The following RASAL1 variants were observed in gnomAD, a reference collection of about 807,000 sequenced individuals.
RASAL1 encodes the protein rasGAP-activating-like protein 1.
Under a neutral mutation model 96.6 loss-of-function variants are expected in RASAL1, and 72 were observed. That is an observed-to-expected ratio of 0.75 (90% CI 0.62 to 0.91). The LOEUF (loss-of-function observed/expected upper bound fraction) is 0.91, where lower values mean the gene tolerates loss of function less well. Among genes scored for constraint, RASAL1 ranks in the 40% least tolerant of loss-of-function variants. The probability of loss-of-function intolerance (pLI) is 0.00; values close to 1 mark genes in which losing one functional copy is unlikely to be tolerated. For synonymous variants in RASAL1, 405 were observed against 430.4 expected (o/e 0.94, Z 0.73); for missense variants, 1,016 against 1,072.5 (o/e 0.95, Z 0.74).
rs200287877 is a variant in RASAL1, at chr12:113,109,029, G to GTT, written c.1375-809_1375-808dup. On this transcript the variant is annotated intron_variant, in intron 13 of 20. Coordinates refer to ENST00000548055, the MANE Select transcript of RASAL1 (RefSeq NM_001301202.2). ...TTTGTTTTGCTTTTTTTGTTTTTAG[G>GTT]TTTTTTTGTGTGTGTTTTTTTTTTT... Among the ~76,000 whole-genome samples, 567 of 72,472 alleles carry GTT rather than the reference G, an allele frequency of 7.8e-3. 6 individuals carry two copies. Among genetic ancestry groups the GTT allele is most frequent in the East Asian group, 0.035 (124 of 3,558 alleles). The allele number at this position is 72,472 out of a possible 152,430, so 47.5% of individuals were successfully genotyped here. A position where few individuals can be genotyped will look rare whatever the true frequency, so the allele number is the denominator to read the frequency against.
At chr12:113,113,764 G>C (rs1950958968) in intron 12 of RASAL1, among the ~76,000 whole-genome samples, 1 of 152,182 alleles carries the variant, frequency 6.6e-6, no homozygotes, top group Non-Finnish European at 1.5e-5. Context: ...ACAGCTCCAG[G>C]CTTGTGGGTT....
chr12:113,128,280 ACG>A (rs1491547342), intron 2 of RASAL1, 102 bp from the exon 3 acceptor site: 18 of 624,864 alleles, frequency 2.9e-5, no homozygotes, highest in East Asian at 5.6e-5. Flanking sequence ...ACACACACAC[ACG>A]GGAATCCAGA....
Position 113,115,916 on chromosome 12 carries a change from C to T in RASAL1, c.849+18G>A, listed in dbSNP as rs959131417. 22 of 1,583,508 alleles carry T rather than the reference C, an allele frequency of 1.4e-5. No homozygotes were observed. The highest frequency in any genetic ancestry group is 1.7e-5 in the Non-Finnish European group (20 of 1,162,982). ...CCCCGGCACCCGCCTGATAGCATTG[C>T]TTGCCTGACGCACCCACCTCTGCTG... is the stretch of plus-strand genomic sequence containing the variant. On this transcript the variant is annotated intron_variant, in intron 9 of 20. Transcript: ENST00000548055. The surrounding 1 kb of genome is among the most constrained non-coding windows in gnomAD (Gnocchi z 4.1).
rs547269040 is a variant in RASAL1 at position 113,104,065 on chromosome 12, T to C, written c.1985A>G (p.Asn662Ser). Residue 662 changes from asparagine (N) to serine (S), a missense_variant, in exon 18 of 21, where the codon AAC becomes AGC. Physicochemically the swap from Asn to Ser is conservative, Grantham distance 46. Transcript: ENST00000548055. The stretch of plus-strand genomic sequence containing the variant: ...CTTGCGCAAGGCCGAGAGCCACTGG[T>C]TGAGCTCATTCACATTCTGCAGCGG... ...YLQCKNVNEL[N>S]QWLSALRKAS... 1 of 1,564,812 alleles carries C rather than the reference T, an allele frequency of 6.4e-7. No individual in the cohort carries two copies. Among genetic ancestry groups the C allele is most frequent in the Admixed American group, 1.8e-5 (1 of 56,964 alleles).
intron 5 of RASAL1, among the ~76,000 whole-genome samples, 165 bp from the exon 6 acceptor site, chr12:113,119,608 G>C (rs1016811173): frequency 1.4e-4 from 22 of 152,146 alleles, no homozygotes; most frequent in African/African-American, 5.1e-4. Context: ...TCCAAACCCA[G>C]TATCTTCCTG....
Position 113,105,885 on chromosome 12 carries a change from T to C in RASAL1, c.1659A>G (p.Glu553=). Residue 553 remains glutamate, a splice_region_variant and synonymous_variant, in exon 16 of 21, where the codon GAA becomes GAG. Transcript: ENST00000548055. ...DRLVDVDGDE[E]AGVPARALFP... ...ACAGGGCCCTGGCTGGGACACCAGC[T>C]TCTAGGAGATGGGAGAAGAGAGCGG... 1 of 1,612,092 alleles carries C rather than the reference T, an allele frequency of 6.2e-7. No individual in the cohort carries two copies. The highest frequency in any genetic ancestry group is 8.5e-7 in the Non-Finnish European group (1 of 1,178,972).
At chr12:113,131,245 T>TG (rs1301035359) in intron 1 of RASAL1, among the ~76,000 whole-genome samples, 66 of 14,526 alleles carry the variant, frequency 4.5e-3, no homozygotes, top group Non-Finnish European at 2.1e-3. Flanking sequence ...CCAGAGCGTG[T>TG]GTGGGGGGGG....
upstream of RASAL1, chr12:113,136,011 C>G (rs535209074): frequency 6.5e-6 from 1 of 153,918 alleles, no homozygotes; most frequent in East Asian, 1.9e-4. Flanking sequence ...CCCCGCCTGT[C>G]CCTCATCCAA....
At chr12:113,112,711 G>C (rs1165971820) in intron 12 of RASAL1, among the ~76,000 whole-genome samples, 1 of 152,140 alleles carries the variant, frequency 6.6e-6, no homozygotes, top group Non-Finnish European at 1.5e-5. Flanking sequence ...CAGCACTCTG[G>C]GAGGCCGAGG....
chr12:113,128,972 GAC>G (rs35122341), intron 2 of RASAL1, among the ~76,000 whole-genome samples: 1,480 of 141,884 alleles, frequency 0.01, 9 homozygotes, highest in South Asian at 0.024. Flanking sequence ...CACAGTCACT[GAC>G]ACACACACAC....
At chr12:113,113,126 C>T (rs1418197148) in intron 12 of RASAL1, among the ~76,000 whole-genome samples, 1 of 152,132 alleles carries the variant, frequency 6.6e-6, no homozygotes, top group African/African-American at 2.4e-5. Context: ...ACTTTTCCAT[C>T]TGCAATTATT....
Position 113,103,960 on chromosome 12 carries a change from T to C in RASAL1, c.2090A>G (p.Gln697Arg), listed in dbSNP as rs753745123. The C allele has an allele frequency of 1.0e-4, 162 of 1,559,634 alleles. No individual in the cohort carries two copies. The highest frequency in any genetic ancestry group is 1.4e-4 in the Non-Finnish European group (157 of 1,153,574). ...TGCCCCCTCACCTGAGCGCTCAGCC[T>C]GGAGGCAGCAGGTCCAGCGCGCGCT... ...FRSARWTCCLQAERSAAGCSR... is the reference protein window; with the variant it reads ...FRSARWTCCLRAERSAAGCSR... Residue 697 changes from glutamine to arginine, a missense_variant, in exon 18 of 21, where the codon CAG becomes CGG. Coordinates refer to ENST00000548055, the MANE Select transcript of RASAL1 (RefSeq NM_001301202.2).
chr12:113,104,045 G>A lies in RASAL1; in HGVS notation c.2005C>T (p.Arg669Cys). 6.6e-7 allele frequency: 1 copy of A among 1,512,738 alleles called. No individual in the cohort carries two copies. Among genetic ancestry groups the A allele is most frequent in the Non-Finnish European group, 8.9e-7 (1 of 1,121,412 alleles). 93.7% of individuals were successfully genotyped at this position (1,512,738 alleles called of 1,614,324 possible). The stretch of plus-strand genomic sequence containing the variant: ...TTCGGGTTGGGGGCGCTGGCCTTGC[G>A]CAAGGCCGAGAGCCACTGGTTGAGC... ...NELNQWLSAL[R>C]KASAPNPNKL... Residue 669 changes from arginine (R) to cysteine (C), a missense_variant, in exon 18 of 21, where the codon CGC (arginine) becomes TGC (cysteine). Transcript: ENST00000548055.
rs745591829 is a variant in RASAL1 at position 113,115,678 on chromosome 12, C to T, written c.960G>A (p.Gly320=). Residue 320 remains glycine, a synonymous_variant, in exon 10 of 21, where the codon GGG becomes GGA. Coordinates refer to ENST00000548055, the MANE Select transcript of RASAL1 (RefSeq NM_001301202.2). This position sits in a 1 kb window ranked among gnomAD's most constrained non-coding sequence, Gnocchi z 4.1. The part of the protein sequence containing the change: ...VKLFLGRGLA[G]RFLDYLTRRE... ...GCCGGGTGAGATAGTCCAGAAAGCG[C>T]CCAGCCAGTCCCCGGCCAAGAAAGA... 23 of 1,613,822 alleles carry T rather than the reference C, an allele frequency of 1.4e-5. No homozygotes were observed. The East Asian group carries it at 5.1e-4, about 36-fold the overall frequency.
rs542061916 is a variant in RASAL1 at position 113,114,617 on chromosome 12, C to A, written c.1181+183G>T. Among the ~76,000 whole-genome samples, 3 of 152,334 alleles carry A rather than the reference C, an allele frequency of 2.0e-5. No individual in the cohort carries two copies. The South Asian group carries it at 6.2e-4, about 32-fold the overall frequency. On this transcript the variant is annotated intron_variant, in intron 12 of 20. Transcript: ENST00000548055. ...CTTAGCATCAGAGTCCTGACCATAACCCCTATACTACACAGCCTGATGGTT... is the reference window on the plus strand; with the variant it reads ...CTTAGCATCAGAGTCCTGACCATAAACCCTATACTACACAGCCTGATGGTT...
In RASAL1 at chr12:113,104,004, G is replaced by T; in HGVS notation, c.2046C>A (p.Cys682Ter). The T allele has an allele frequency of 6.4e-7, 1 of 1,572,626 alleles. No individual in the cohort carries two copies. The highest frequency in any genetic ancestry group is 1.2e-5 in the South Asian group (1 of 86,026). ...GCGCGCTGCGGAAGGCACCGGGGTG[G>T]CAGGCGGCCAGCTTGTTCGGGTTGG... ...SAPNPNKLAA[C>*]HPGAFRSARW... Residue 682 changes from cysteine to a stop codon, truncating the protein, a stop_gained, in exon 18 of 21, where the codon TGC (cysteine) becomes TGA (stop). Coordinates refer to ENST00000548055, the MANE Select transcript of RASAL1 (RefSeq NM_001301202.2). LOFTEE classifies it high-confidence loss of function.
chr12:113,101,858 G>A (rs1950458819), intron 19 of RASAL1, 31 bp downstream of exon 19: 3 of 1,607,202 alleles, frequency 1.9e-6, no homozygotes, highest in Admixed American at 1.7e-5. Context: ...CTGGTCATAG[G>A]AGGTGAAGTG....
chr12:113,103,247 A>ATGTTATACATTGTAATACAT (rs1325755396), intron 18 of RASAL1: 2 of 150,788 alleles, frequency 1.3e-5, no homozygotes, highest in Middle Eastern at 3.4e-3. Flanking sequence ...ATTATTTACA[A>ATGTTATACATTGTAATACAT]TGTTATACAT....
Position 113,119,123 on chromosome 12 carries a change from C to T in RASAL1, c.642+5G>A. 6.2e-7 allele frequency: 1 copy of T among 1,601,792 alleles called. No individual in the cohort carries two copies. The highest frequency in any genetic ancestry group is 8.5e-7 in the Non-Finnish European group (1 of 1,172,846). ...ATGGAGGGTATTGTAGGGAATGAGGCTCACCATGCCCAAGAAGTCATTCTT... is the reference window on the plus strand; with the variant it reads ...ATGGAGGGTATTGTAGGGAATGAGGTTCACCATGCCCAAGAAGTCATTCTT... On this transcript the variant is annotated splice_donor_5th_base_variant and intron_variant, in intron 7 of 20. Coordinates refer to ENST00000548055, the MANE Select transcript of RASAL1 (RefSeq NM_001301202.2).
Sources: allele counts gnomAD v4.1 joint callset (sites outside exome capture counted in the v4.1 genomes callset), GRCh38; gene constraint gnomAD v4.1.1; non-coding constraint Gnocchi (gnomAD v3.1); transcripts MANE v1.5; gene names NCBI Gene and HGNC (gene_info 2026-07-23, HGNC 2026-07-21).